NT5DC1: variants seen among roughly 807,000 people sequenced by gnomAD.
NT5DC1 encodes 5'-nucleotidase domain-containing protein 1.
Under a neutral mutation model 59.4 loss-of-function variants are expected in NT5DC1, and 42 were observed. The ratio of observed to expected loss-of-function variants is 0.71; its 90% confidence interval spans 0.55 to 0.92. The LOEUF is 0.92. Ranked by LOEUF, NT5DC1 falls within the 40% of genes least tolerant of loss-of-function variation. The pLI is 0.00. For missense variants in NT5DC1, 501 were observed against 537.1 expected (o/e 0.93, Z 0.66); for synonymous variants, 172 against 188.1 (o/e 0.91, Z 0.70).
chr6:116,127,720 A>AT (rs2114318196), intron 6 of NT5DC1, among the ~76,000 whole-genome samples: 1 of 152,262 alleles, frequency 6.6e-6, no homozygotes, highest in African/African-American at 2.4e-5. Context: ...ATATTTTAAT[A>AT]TTTTGTGTGT....
At chr6:116,125,121 A>G (rs770035715) in intron 6 of NT5DC1, among the ~76,000 whole-genome samples, 16 of 152,206 alleles carry the variant, frequency 1.1e-4, no homozygotes, top group Admixed American at 4.6e-4. Context: ...TTTTGCAGGT[A>G]TATCTTTCAA....
chr6:116,243,890 A>T lies in NT5DC1; in HGVS notation c.1253-19A>T, dbSNP rs375712155. The T allele has an allele frequency of 2.3e-5, 23 of 981,902 alleles. No individual in the cohort carries two copies. The highest frequency in any genetic ancestry group is 9.8e-5 in the East Asian group (4 of 40,996). The allele number at this position is 981,902 out of a possible 1,614,324, so 60.8% of individuals were successfully genotyped here. A position where few individuals can be genotyped will look rare whatever the true frequency, so the allele number is the denominator to read the frequency against. ...ATTCAGAGACCTGTGCAATAATTAA[A>T]TTTTTTTTTCCTCCCCAGAATTACC... On this transcript the variant is annotated intron_variant, in intron 11 of 11. Transcript: ENST00000319550.
At chr6:116,188,620 A>G (rs1211664403) in intron 6 of NT5DC1, among the ~76,000 whole-genome samples, 1 of 152,062 alleles carries the variant, frequency 6.6e-6, no homozygotes, top group Non-Finnish European at 1.5e-5. Context: ...AAAGCCAGAA[A>G]AGTAAGGATG....
At chr6:116,166,796 C>G (rs1180705257) in intron 6 of NT5DC1, among the ~76,000 whole-genome samples, 5 of 151,922 alleles carry the variant, frequency 3.3e-5, no homozygotes, top group Non-Finnish European at 5.9e-5. Context: ...AAAATGGTTC[C>G]CTGATGTAAA....
chr6:116,173,367 A>G (rs1780656038), intron 6 of NT5DC1, among the ~76,000 whole-genome samples: 1 of 152,200 alleles, frequency 6.6e-6, no homozygotes, highest in Non-Finnish European at 1.5e-5. Context: ...AAGTTGAAAT[A>G]CCTTCTCCCA....
At chr6:116,137,613 A>C (rs1779643583) in intron 6 of NT5DC1, 1 of 212,912 alleles carries the variant, frequency 4.7e-6, no homozygotes, top group African/African-American at 2.3e-5. Context: ...CCCGTGCCTC[A>C]GTAGTGGGAA....
Position 116,204,768 on chromosome 6 carries a change from T to C in NT5DC1, c.530-16286T>C, listed in dbSNP as rs150381313. Among the ~76,000 whole-genome samples, 312 of 152,108 alleles carry C rather than the reference T, an allele frequency of 2.1e-3. 6 individuals carry two copies. The East Asian group carries it at 0.024, about 12-fold the overall frequency. On this transcript the variant is annotated intron_variant, in intron 6 of 11. Transcript: ENST00000319550. ...TAAAAAGAATGAAGCGTTTCTAGAA[T>C]GTAAGGTCTATGAGAGAAAAAACTT...
intron 8 of NT5DC1, among the ~76,000 whole-genome samples, chr6:116,228,707 G>T (rs1781954609): frequency 6.6e-6 from 1 of 152,076 alleles, no homozygotes; most frequent in Admixed American, 6.6e-5. Context: ...CTAATTACAG[G>T]ATTATACTGC....
At chr6:116,106,148 C>A in intron 1 of NT5DC1, 96 bp from the exon 2 acceptor site, 1 of 760,250 alleles carries the variant, frequency 1.3e-6, no homozygotes, top group Non-Finnish European at 2.4e-6. Flanking sequence ...CTCCTACCTG[C>A]CCCCATCAGC....
At chr6:116,141,442 A>G (rs1400749468) in intron 6 of NT5DC1, among the ~76,000 whole-genome samples, 1 of 152,130 alleles carries the variant, frequency 6.6e-6, no homozygotes, top group Admixed American at 6.6e-5. Flanking sequence ...GTTCAAAATA[A>G]TTCATTGAGA....
intron 8 of NT5DC1, among the ~76,000 whole-genome samples, chr6:116,225,398 G>A (rs1781888251): frequency 6.6e-6 from 1 of 152,174 alleles, no homozygotes; most frequent in African/African-American, 2.4e-5. Context: ...AAAAGGCCTG[G>A]ACCAAGCCCT....
intron 6 of NT5DC1, among the ~76,000 whole-genome samples, chr6:116,160,534 T>A (rs961305193): frequency 6.6e-6 from 1 of 152,226 alleles, no homozygotes; most frequent in South Asian, 2.1e-4. Context: ...TTCTGTCAGA[T>A]GCATAGTTTG....
intron 6 of NT5DC1, among the ~76,000 whole-genome samples, chr6:116,132,000 T>C (rs185238416): frequency 6.6e-6 from 1 of 152,326 alleles, no homozygotes; most frequent in Admixed American, 6.5e-5. Flanking sequence ...GCAAAGGACA[T>C]TATCTTATTG....
chr6:116,124,048 A>G (rs980876784), intron 6 of NT5DC1, among the ~76,000 whole-genome samples: 12 of 151,944 alleles, frequency 7.9e-5, no homozygotes, highest in Non-Finnish European at 1.5e-4. Flanking sequence ...TTTTTTCTTT[A>G]CTAGCCTTTA....
At chr6:116,124,869 A>AT (rs1228052936) in intron 6 of NT5DC1, among the ~76,000 whole-genome samples, 1 of 152,162 alleles carries the variant, frequency 6.6e-6, no homozygotes, top group East Asian at 1.9e-4. Context: ...AGGCCATCAG[A>AT]TTTTTTTGAT....
intron 3 of NT5DC1, 82 bp downstream of exon 3, chr6:116,108,517 T>A: frequency 1.3e-6 from 1 of 790,128 alleles, no homozygotes; most frequent in Non-Finnish European, 2.3e-6. Flanking sequence ...CCTTACAGTA[T>A]GGGTTAAATA....
At chr6:116,117,809 A>G (rs1311655045) in intron 5 of NT5DC1, 52 bp from the exon 6 acceptor site, 4 of 1,035,466 alleles carry the variant, frequency 3.9e-6, no homozygotes, top group East Asian at 4.8e-5. Context: ...ATTTTTCACT[A>G]TGCTTAAAAA....
intron 6 of NT5DC1, among the ~76,000 whole-genome samples, chr6:116,174,011 AT>A (rs1780676576): frequency 6.6e-6 from 1 of 152,200 alleles, no homozygotes; most frequent in Non-Finnish European, 1.5e-5. Context: ...CACGTATTTT[AT>A]AAAATGCCCC....
chr6:116,241,510 T>C (rs1335883804), intron 11 of NT5DC1, among the ~76,000 whole-genome samples: 1 of 152,216 alleles, frequency 6.6e-6, no homozygotes, highest in East Asian at 1.9e-4. Flanking sequence ...ATGTCAGAAA[T>C]GCATGTTGTA....
Sources: allele counts gnomAD v4.1 joint callset (sites outside exome capture counted in the v4.1 genomes callset), GRCh38; gene constraint gnomAD v4.1.1; transcripts MANE v1.5; gene names NCBI Gene and HGNC (gene_info 2026-07-23, HGNC 2026-07-21).